The following ZZEF1 variants were observed in gnomAD, a reference collection of about 807,000 sequenced individuals.
The protein encoded by ZZEF1 is zinc finger ZZ-type and EF-hand domain containing 1, also known as zinc finger ZZ-type and EF-hand domain-containing protein 1.
ZZEF1 carries 157 observed loss-of-function variants against 342.8 expected under a neutral mutation model. The observed-to-expected ratio is 0.46, with a 90% confidence interval of 0.40 to 0.52. ZZEF1 has a LOEUF of 0.52. Among genes scored for constraint, ZZEF1 ranks in the 20% least tolerant of loss-of-function variants. The pLI is 0.00. For missense variants in ZZEF1, 3,480 were observed against 3,725.6 expected (o/e 0.93, Z 1.72); for synonymous variants, 1,505 against 1,429.1 (o/e 1.05, Z -1.20).
At position 4,122,985 on chromosome 17, in the gene ZZEF1, T is replaced by A. The variant is rs187289487; in HGVS notation, c.499+922A>T. Among the ~76,000 whole-genome samples, 55 of 149,104 alleles carry A rather than the reference T, an allele frequency of 3.7e-4. No homozygotes were observed. In the East Asian group the frequency reaches 0.01, roughly 28 times the overall value. On this transcript the variant is annotated intron_variant, in intron 2 of 54. Transcript: ENST00000381638. ...CCCTGGCTGGAGAGCAGTGGTGCGA[T>A]CTCGGCTCACTGCAAGCTCCGCCTC... is the stretch of plus-strand genomic sequence containing the variant.
At chr17:4,136,135 C>G (rs1191189955) in intron 1 of ZZEF1, among the ~76,000 whole-genome samples, 1 of 149,350 alleles carries the variant, frequency 6.7e-6, no homozygotes, top group Non-Finnish European at 1.5e-5. Flanking sequence ...GAACTACAGG[C>G]GCGCTTCACC....
chr17:4,100,498 CA>C (rs1246093923), intron 9 of ZZEF1, among the ~76,000 whole-genome samples: 5 of 152,172 alleles, frequency 3.3e-5, no homozygotes, highest in African/African-American at 1.2e-4. Flanking sequence ...GTAAAAGACA[CA>C]GGGAAAATAA....
chr17:4,018,519 A>G (rs779713077), intron 46 of ZZEF1, among the ~76,000 whole-genome samples: 14 of 152,240 alleles, frequency 9.2e-5, no homozygotes, highest in Non-Finnish European at 1.8e-4. Flanking sequence ...GAGTGACTCC[A>G]CTGCTGTGGT....
rs753001280 is a variant in ZZEF1, at chr17:4,025,044, A to G, written c.6967T>C (p.Ser2323Pro). Residue 2323 changes from serine to proline, a missense_variant, in exon 43 of 55, where the codon TCC (serine) becomes CCC (proline). Coordinates refer to ENST00000381638, the MANE Select transcript of ZZEF1 (RefSeq NM_015113.4). ...CTGGCGATAAAGGCAAAGTGCTGGG[A>G]GTACTGGCTCAGCTGGGCCCGAGAG... ...GDSRAQLSQY[S>P]QHFAFIASHL... 4 of 1,614,212 alleles carry G rather than the reference A, an allele frequency of 2.5e-6. No individual in the cohort carries two copies. Among genetic ancestry groups the G allele is most frequent in the Non-Finnish European group, 1.7e-6 (2 of 1,180,042 alleles).
chr17:4,017,565 C>T lies in ZZEF1; in HGVS notation c.7807G>A (p.Val2603Ile), dbSNP rs541338238. 5.6e-6 allele frequency: 9 copies of T among 1,614,264 alleles called. No homozygotes were observed. In the East Asian group the frequency reaches 2.0e-4, roughly 36 times the overall value. The change falls in exon 48 of 55, where the codon GTC becomes ATC. Residue 2603 changes from valine to isoleucine, a missense_variant. Val to Ile is a conservative substitution (Grantham distance 29). Transcript: ENST00000381638. This position sits in a 1 kb window ranked among gnomAD's most constrained non-coding sequence, Gnocchi z 5.1. ...TTCACTCGGAAGAGGTAGTCCCGGA[C>T]AGCCCTCTTACTCTTGCAGTTCAGC... ...KELNCKSKRA[V>I]RDYLFRVNEA...
chr17:4,103,457 G>A (rs2058159856), intron 8 of ZZEF1, among the ~76,000 whole-genome samples: 1 of 152,094 alleles, frequency 6.6e-6, no homozygotes, highest in South Asian at 2.1e-4. Flanking sequence ...TGAGGCAAGA[G>A]GATCACCTGA....
intron 26 of ZZEF1, 73 bp downstream of exon 26, chr17:4,070,611 T>A (rs2057489141): frequency 6.8e-7 from 1 of 1,474,334 alleles, no homozygotes; most frequent in Admixed American, 2.1e-5. Flanking sequence ...TTTTAAATGT[T>A]CACTTAAGAT....
At position 4,108,211 on chromosome 17, in the gene ZZEF1, G is replaced by C. The variant is rs193100421; in HGVS notation, c.1277+1442C>G. On this transcript the variant is annotated intron_variant, in intron 6 of 54. Transcript: ENST00000381638. The stretch of plus-strand genomic sequence containing the variant: ...TTAATCAAGTGATCAAAGTTAACAA[G>C]ACTGCATTAGAATGAGGACTATCTG... Among the ~76,000 whole-genome samples, 473 of 152,292 alleles carry C rather than the reference G, an allele frequency of 3.1e-3. 3 individuals carry two copies. The highest frequency in any genetic ancestry group is 5.2e-3 in the Non-Finnish European group (351 of 68,028).
chr17:4,039,643 T>G (rs2056755634), intron 39 of ZZEF1, among the ~76,000 whole-genome samples: 2 of 142,460 alleles, frequency 1.4e-5, no homozygotes, highest in South Asian at 4.5e-4. Context: ...AAAGAGAACT[T>G]TTTTTTTTTT....
chr17:4,049,617 T>C, intron 37 of ZZEF1, 91 bp downstream of exon 37: 1 of 1,480,406 alleles, frequency 6.8e-7, no homozygotes, highest in Non-Finnish European at 9.2e-7. Context: ...TAGGAGTCTG[T>C]GCTCTTAACC....
intron 19 of ZZEF1, 62 bp from the exon 20 acceptor site, chr17:4,077,051 C>A: frequency 6.9e-7 from 1 of 1,454,700 alleles, no homozygotes. Flanking sequence ...GCTTGGTTAT[C>A]ACCACAGACA....
chr17:4,034,124 C>T lies in ZZEF1; in HGVS notation c.6475G>A (p.Val2159Ile). Residue 2159 changes from valine to isoleucine, a missense_variant, in exon 40 of 55, where the codon GTC becomes ATC. Val to Ile is a conservative substitution (Grantham distance 29). Around this residue, in one of 5 missense-constraint regions of ZZEF1, gnomAD observed 1,269 missense variants for 1,342.4 expected, o/e 0.95. Transcript: ENST00000381638. Reference sequence around the variant, plus strand: ...AACAGGTTGTGTTTGGCTGAGAGGACTTTGATCACTGCGGCGTCTACCTCT... The same window carrying T: ...AACAGGTTGTGTTTGGCTGAGAGGATTTTGATCACTGCGGCGTCTACCTCT... Reference protein sequence around the residue: ...PAEVDAAVIKVLSAKHNLFAA... With the variant: ...PAEVDAAVIKILSAKHNLFAA... 2 of 1,614,168 alleles carry T rather than the reference C, an allele frequency of 1.2e-6. No individual in the cohort carries two copies. The highest frequency in any genetic ancestry group is 2.7e-5 in the African/African-American group (2 of 75,032).
At chr17:4,070,432 C>T (rs562863268) in intron 26 of ZZEF1, among the ~76,000 whole-genome samples, 1 of 152,240 alleles carries the variant, frequency 6.6e-6, no homozygotes, top group African/African-American at 2.4e-5. Flanking sequence ...AGCAGTTTTC[C>T]ATGAGAATTC....
chr17:4,137,734 C>T (rs973483810), intron 1 of ZZEF1, among the ~76,000 whole-genome samples: 2 of 152,216 alleles, frequency 1.3e-5, no homozygotes, highest in African/African-American at 2.4e-5. Flanking sequence ...AGGTGGCTGG[C>T]GGCCTCACAG....
At chr17:4,026,954 G>C (rs1180346428) in intron 42 of ZZEF1, among the ~76,000 whole-genome samples, 2 of 152,108 alleles carry the variant, frequency 1.3e-5, no homozygotes, top group Non-Finnish European at 2.9e-5. Flanking sequence ...TTATGTCACG[G>C]CAGACCTGCA....
At chr17:4,015,678 C>T (rs2056081249) in intron 49 of ZZEF1, among the ~76,000 whole-genome samples, 1 of 152,206 alleles carries the variant, frequency 6.6e-6, no homozygotes, top group Non-Finnish European at 1.5e-5. Context: ...GCATGAGAAT[C>T]ACTTGAATTC....
intron 5 of ZZEF1, among the ~76,000 whole-genome samples, chr17:4,111,891 G>A (rs2058308587): frequency 6.9e-6 from 1 of 145,760 alleles, no homozygotes; most frequent in African/African-American, 2.5e-5. Context: ...AAAGAAATTA[G>A]CCAGGCATCG....
chr17:4,088,617 T>C (rs1418331848), intron 13 of ZZEF1, 61 bp downstream of exon 13: 5 of 1,565,370 alleles, frequency 3.2e-6, no homozygotes, highest in Non-Finnish European at 4.4e-6. Flanking sequence ...TGTTCATTTC[T>C]CTGAATACTG....
intron 42 of ZZEF1, among the ~76,000 whole-genome samples, chr17:4,030,286 C>T (rs1032174143): frequency 6.6e-6 from 1 of 152,086 alleles, no homozygotes; most frequent in African/African-American, 2.4e-5. Context: ...ACGGCTCATA[C>T]CCCAATATGC....
Sources: allele counts gnomAD v4.1 joint callset (sites outside exome capture counted in the v4.1 genomes callset), GRCh38; gene constraint gnomAD v4.1.1; regional missense constraint gnomAD v4.1.1; non-coding constraint Gnocchi (gnomAD v3.1); transcripts MANE v1.5; gene names NCBI Gene and HGNC (gene_info 2026-07-23, HGNC 2026-07-21).